MICAL2: variants seen among roughly 807,000 people sequenced by gnomAD.
MICAL2 encodes the protein microtubule associated monooxygenase, calponin and LIM domain containing 2, also known as [F-actin]-monooxygenase MICAL2.
A neutral mutation model predicts 127.3 loss-of-function variants in MICAL2; 77 were observed. The observed-to-expected ratio is 0.60, with a 90% CI of 0.50 to 0.73. MICAL2 has a LOEUF of 0.73. Among genes scored for constraint, MICAL2 ranks in the 30% least tolerant of loss-of-function variants. The pLI is 0.00. For missense variants in MICAL2, 1,351 were observed against 1,434.4 expected (o/e 0.94, Z 0.94); for synonymous variants, 570 against 551.1 (o/e 1.03, Z -0.48).
intron 2 of MICAL2, among the ~76,000 whole-genome samples, chr11:12,156,876 C>A (rs1854244776): frequency 6.6e-6 from 1 of 152,260 alleles, no homozygotes; most frequent in Non-Finnish European, 1.5e-5. Flanking sequence ...TTCCTGAGCA[C>A]CCTGCGAGTG....
At chr11:12,338,369 C>T (rs1025845033) in intron 32 of MICAL2, among the ~76,000 whole-genome samples, 1 of 152,160 alleles carries the variant, frequency 6.6e-6, no homozygotes, top group Admixed American at 6.5e-5. Context: ...AAATGGGTTT[C>T]CTGAATACAG....
At chr11:12,167,022 G>A (rs1855586725) in intron 3 of MICAL2, among the ~76,000 whole-genome samples, 1 of 152,054 alleles carries the variant, frequency 6.6e-6, no homozygotes, top group South Asian at 2.1e-4. Context: ...GGAGGAAAAC[G>A]CCTCCTGGTC....
chr11:12,159,499 C>T (rs1349456450), intron 2 of MICAL2, among the ~76,000 whole-genome samples: 1 of 152,192 alleles, frequency 6.6e-6, no homozygotes. Flanking sequence ...TTCACAGCTA[C>T]CCTGCAAGGA....
chr11:12,322,964 G>C (rs1360650360), intron 30 of MICAL2, among the ~76,000 whole-genome samples: 2 of 152,068 alleles, frequency 1.3e-5, no homozygotes, highest in Non-Finnish European at 2.9e-5. Context: ...ACTCTAAAGA[G>C]AGCACTGAAG....
intron 21 of MICAL2, among the ~76,000 whole-genome samples, chr11:12,247,738 T>C (rs1392892083): frequency 1.3e-5 from 2 of 152,218 alleles, no homozygotes; most frequent in Non-Finnish European, 2.9e-5. Context: ...CAACCACCTC[T>C]AGGGAGAGAA....
At chr11:12,111,819 C>T (rs1042193101) in intron 1 of MICAL2, among the ~76,000 whole-genome samples, 1 of 152,222 alleles carries the variant, frequency 6.6e-6, no homozygotes, top group African/African-American at 2.4e-5. Flanking sequence ...GCCAGGTTCC[C>T]TGACACCTGC....
chr11:12,207,763 C>T (rs750021845), intron 4 of MICAL2: 7 of 362,558 alleles, frequency 1.9e-5, no homozygotes, highest in South Asian at 1.6e-4. Flanking sequence ...TGCTCTGTGT[C>T]GCCTTGAGCA....
At chr11:12,358,402 C>A in exon 35 of MICAL2, 1 of 1,614,102 alleles carries the variant, frequency 6.2e-7, no homozygotes, top group African/African-American at 1.3e-5. Flanking sequence ...AGAGGAACAA[C>A]GCATCAGAGA....
intron 7 of MICAL2, among the ~76,000 whole-genome samples, chr11:12,215,987 T>C (rs1856101861): frequency 6.6e-6 from 1 of 152,182 alleles, no homozygotes; most frequent in African/African-American, 2.4e-5. Context: ...ACAGACGTTG[T>C]GAGTTTTAAC....
At chr11:12,135,495 G>C (rs576371824) in intron 1 of MICAL2, among the ~76,000 whole-genome samples, 42 of 152,258 alleles carry the variant, frequency 2.8e-4, no homozygotes, top group African/African-American at 1.0e-3. Flanking sequence ...CCAAGCACCT[G>C]CTCTGAGCAA....
chr11:12,356,685 G>A (rs141602573), intron 34 of MICAL2, among the ~76,000 whole-genome samples: 226 of 152,298 alleles, frequency 1.5e-3, no homozygotes, highest in Non-Finnish European at 2.4e-3. Context: ...AGCATGGCTA[G>A]ACAGTCTCTC....
At position 12,208,154 on chromosome 11, in the gene MICAL2, T is replaced by A; in HGVS notation, c.589+15T>A. ...AGAAAATCAAAGTACAGTATAATTT[T>A]CTTTTTCTGCCTAGAAAGCAGATAC... is the stretch of plus-strand genomic sequence containing the variant. On this transcript the variant is annotated intron_variant, in intron 5 of 27. Transcript: ENST00000683283. 1.3e-6 allele frequency: 2 copies of A among 1,588,932 alleles called. No individual in the cohort carries two copies. Among genetic ancestry groups the A allele is most frequent in the Non-Finnish European group, 1.7e-6 (2 of 1,157,754 alleles).
intron 3 of MICAL2, among the ~76,000 whole-genome samples, chr11:12,167,466 A>G (rs10831744): frequency 0.67 from 102,239 of 151,860 alleles, 36,491 homozygotes; most frequent in South Asian, 0.82. Context: ...GGGTGCAAGG[A>G]TGTTAGGGGT....
At chr11:12,261,567 C>A (rs1020853418) in intron 26 of MICAL2, 1 of 985,316 alleles carries the variant, frequency 1.0e-6, no homozygotes, top group Non-Finnish European at 1.2e-6. Context: ...GTTGCTGGGC[C>A]CAAGATAGCT....
At position 12,262,315 on chromosome 11, in the gene MICAL2, C is replaced by T. The variant is rs536311802; in HGVS notation, c.3335-165C>T. 3.4e-6 allele frequency: 5 copies of T among 1,474,736 alleles called. No individual in the cohort carries two copies. In the African/African-American group the frequency reaches 5.6e-5, roughly 17 times the overall value. The allele number at this position is 1,474,736 out of a possible 1,614,324, so 91.4% of individuals were successfully genotyped here. ...GTCACAACCAGAAAGGTTCATCTCT[C>T]CTAAGCAAACAGCGACTCTTTCAGA... On this transcript the variant is annotated intron_variant, in intron 26 of 27. Transcript: ENST00000683283.
upstream of MICAL2, among the ~76,000 whole-genome samples, chr11:12,272,060 G>T (rs1463508552): frequency 6.6e-6 from 1 of 152,218 alleles, no homozygotes; most frequent in East Asian, 1.9e-4. Flanking sequence ...AGCCCAGGGA[G>T]CCAGGCTGAG....
chr11:12,160,647 G>A (rs1220356803), intron 2 of MICAL2, among the ~76,000 whole-genome samples: 1 of 152,184 alleles, frequency 6.6e-6, no homozygotes, highest in Non-Finnish European at 1.5e-5. Flanking sequence ...TAAAATTGAA[G>A]CTTTCTTGAG....
At chr11:12,360,928 ATC>A (rs146107122), downstream of MICAL2, among the ~76,000 whole-genome samples, 3,006 of 152,322 alleles carry the variant, frequency 0.02, 86 homozygotes, top group African/African-American at 0.069. Flanking sequence ...CTGTTGAACT[ATC>A]TAAAATGATT....
At chr11:12,250,628 G>T (rs1425783743) in intron 22 of MICAL2, among the ~76,000 whole-genome samples, 1 of 152,194 alleles carries the variant, frequency 6.6e-6, no homozygotes, top group Admixed American at 6.5e-5. Flanking sequence ...TCAAAAGGCA[G>T]GAAAAGGTAA....
Sources: gnomAD v4.1 joint callset for allele counts (sites outside exome capture counted in the v4.1 genomes callset) on GRCh38, gnomAD v4.1.1 for gene constraint, MANE v1.5 for transcripts, NCBI Gene and HGNC (gene_info 2026-07-23, HGNC 2026-07-21) for gene names.